Variants in TSNAX observed in about 807,000 individuals in gnomAD.
TSNAX encodes the protein translin-associated protein X.
Under a neutral mutation model 33.0 loss-of-function variants are expected in TSNAX, and 12 were observed. That is an observed-to-expected ratio of 0.36 (90% confidence interval 0.23 to 0.59). The LOEUF is 0.59. Ranked by LOEUF, TSNAX falls within the 20% of genes least tolerant of loss-of-function variation. The pLI is 0.74. For synonymous variants in TSNAX, 110 were observed against 117.2 expected, an observed-to-expected ratio of 0.94 and a Z score of 0.40; for missense variants, 267 against 341.3, an observed-to-expected ratio of 0.78 and a Z score of 1.72.
At chr1:231,558,633 A>G (rs1233332047) in intron 4 of TSNAX, among the ~76,000 whole-genome samples, 2 of 152,146 alleles carry the variant, frequency 1.3e-5, no homozygotes, top group Non-Finnish European at 2.9e-5. Flanking sequence ...GTGATTATGC[A>G]TCTTTACGTT....
At chr1:231,538,053 G>A (rs1572107411) in intron 3 of TSNAX, among the ~76,000 whole-genome samples, 4 of 152,158 alleles carry the variant, frequency 2.6e-5, no homozygotes, top group Admixed American at 2.6e-4. Context: ...ATATTATTAA[G>A]TCTCTGTTTT....
intron 4 of TSNAX, among the ~76,000 whole-genome samples, chr1:231,549,590 T>A (rs1158466303): frequency 6.6e-6 from 1 of 152,186 alleles, no homozygotes; most frequent in Non-Finnish European, 1.5e-5. Context: ...AAAGTTAGAT[T>A]AATTCATGGT....
chr1:231,532,553 GA>G (rs1284673664), intron 2 of TSNAX, among the ~76,000 whole-genome samples: 5 of 151,744 alleles, frequency 3.3e-5, no homozygotes, highest in African/African-American at 9.7e-5. Flanking sequence ...AGACAACAGG[GA>G]AAAAAATTTT....
chr1:231,549,969 C>G (rs1660191742), intron 4 of TSNAX, among the ~76,000 whole-genome samples: 1 of 152,196 alleles, frequency 6.6e-6, no homozygotes, highest in Non-Finnish European at 1.5e-5. Flanking sequence ...AGGCCTCTTT[C>G]CATGACATGC....
Position 231,564,998 on chromosome 1 carries a change from CT to C in TSNAX, c.*97del. On this transcript the variant is annotated 3_prime_UTR_variant, in exon 6 of 6. Coordinates refer to ENST00000366639, the MANE Select transcript of TSNAX (RefSeq NM_005999.3). The stretch of plus-strand genomic sequence containing the variant: ...AGTATTTCATTTAACTTTATTGTGG[CT>C]TTTACATAGAAACATATTCAGTTGT... 7.0e-7 allele frequency: 1 copy of C among 1,423,378 alleles called. No individual in the cohort carries two copies. Among genetic ancestry groups the C allele is most frequent in the Non-Finnish European group, 9.4e-7 (1 of 1,059,258 alleles). The allele number at this position is 1,423,378 out of a possible 1,614,324, so 88.2% of individuals were successfully genotyped here.
At chr1:231,541,941 GTC>G (rs1558125014) in intron 3 of TSNAX, among the ~76,000 whole-genome samples, 2 of 152,022 alleles carry the variant, frequency 1.3e-5, no homozygotes, top group African/African-American at 4.8e-5. Flanking sequence ...AATTTTAGCT[GTC>G]TCGATCCCCC....
intron 2 of TSNAX, among the ~76,000 whole-genome samples, chr1:231,529,996 T>C (rs191883928): frequency 1.3e-5 from 2 of 152,304 alleles, no homozygotes; most frequent in Admixed American, 6.5e-5. Flanking sequence ...GAAGCCTTGA[T>C]TGGGGCTGAA....
At chr1:231,549,933 G>A (rs1445624695) in intron 4 of TSNAX, among the ~76,000 whole-genome samples, 1 of 152,184 alleles carries the variant, frequency 6.6e-6, no homozygotes, top group Non-Finnish European at 1.5e-5. Flanking sequence ...CTGAGATCGA[G>A]GTGTTGGCAA....
chr1:231,546,555 G>A (rs879476900), intron 4 of TSNAX, among the ~76,000 whole-genome samples: 6 of 152,214 alleles, frequency 3.9e-5, no homozygotes, highest in African/African-American at 9.6e-5. Context: ...TAGGAAGAGT[G>A]TAGTGGATGG....
Position 231,564,452 on chromosome 1 carries a change from A to G in TSNAX, c.496-76A>G, listed in dbSNP as rs892712793. The G allele has an allele frequency of 4.6e-6, 7 of 1,527,964 alleles. No individual in the cohort carries two copies. The African/African-American group carries it at 5.5e-5, about 12-fold the overall frequency. The allele number at this position is 1,527,964 out of a possible 1,614,324, so 94.7% of individuals were successfully genotyped here. On this transcript the variant is annotated intron_variant, in intron 5 of 5. Coordinates refer to ENST00000366639, the MANE Select transcript of TSNAX (RefSeq NM_005999.3). ...TTCTATAATAAATGTGATACATGCT[A>G]TATTCACTCTTTTTCACAGTGTTCT...
At chr1:231,542,831 T>TTTGTTTGTG (rs1659665340) in intron 4 of TSNAX, 5 of 425,044 alleles carry the variant, frequency 1.2e-5, no homozygotes, top group Non-Finnish European at 2.1e-5. Context: ...TAATAAAGTA[T>TTTGTTTGTG]TTGAGAACAC....
At chr1:231,529,884 T>A (rs1211716662) in intron 2 of TSNAX, among the ~76,000 whole-genome samples, 1 of 152,236 alleles carries the variant, frequency 6.6e-6, no homozygotes, top group Non-Finnish European at 1.5e-5. Context: ...AACAAAATCC[T>A]CTTCCTTTTG....
chr1:231,560,103 C>T (rs186458280), intron 4 of TSNAX, among the ~76,000 whole-genome samples: 19 of 151,622 alleles, frequency 1.3e-4, no homozygotes, highest in African/African-American at 4.6e-4. Context: ...CCTCAGCCTC[C>T]TGTGTAGCTG....
chr1:231,551,012 A>T (rs1419453987), intron 4 of TSNAX, among the ~76,000 whole-genome samples: 1 of 152,238 alleles, frequency 6.6e-6, no homozygotes, highest in Non-Finnish European at 1.5e-5. Context: ...ATTTTATATC[A>T]CTTGGTAAGC....
intron 4 of TSNAX, among the ~76,000 whole-genome samples, chr1:231,545,524 C>G (rs963134841): frequency 6.6e-6 from 1 of 151,284 alleles, no homozygotes; most frequent in Admixed American, 6.6e-5. Flanking sequence ...TGAAATAAGT[C>G]TTTAAAAAAA....
chr1:231,564,505 G>GT (rs748126179), intron 5 of TSNAX, 23 bp from the exon 6 acceptor site: 1 of 1,372,988 alleles, frequency 7.3e-7, no homozygotes. Flanking sequence ...GTGTGTTTTT[G>GT]TTTTGTTTTG....
At chr1:231,533,365 A>T (rs1572099782) in intron 2 of TSNAX, among the ~76,000 whole-genome samples, 1 of 152,102 alleles carries the variant, frequency 6.6e-6, no homozygotes, top group Non-Finnish European at 1.5e-5. Context: ...CCTCCCAAAG[A>T]GCTGGGATTA....
rs545492826 is a variant in TSNAX at position 231,547,001 on chromosome 1, G to A, written c.367+4390G>A. On this transcript the variant is annotated intron_variant, in intron 4 of 5. Transcript: ENST00000366639. Reference sequence around the variant, plus strand: ...AGCCTTAAGGAAGAATGGGAAATACGGTCTCTGTGCGTGCCAAGGAAAGCA... The same window carrying A: ...AGCCTTAAGGAAGAATGGGAAATACAGTCTCTGTGCGTGCCAAGGAAAGCA... Among the ~76,000 whole-genome samples, 29 of 152,230 alleles carry A rather than the reference G, an allele frequency of 1.9e-4. No homozygotes were observed. The South Asian group carries it at 3.9e-3, about 21-fold the overall frequency.
intron 4 of TSNAX, among the ~76,000 whole-genome samples, chr1:231,558,686 A>G (rs1486237482): frequency 2.6e-5 from 4 of 152,264 alleles, no homozygotes; most frequent in Non-Finnish European, 4.4e-5. Context: ...TTAGAAGGAA[A>G]TGAGAAATAG....
Sources: gnomAD v4.1 joint callset for allele counts (sites outside exome capture counted in the v4.1 genomes callset) on GRCh38, gnomAD v4.1.1 for gene constraint, MANE v1.5 for transcripts, NCBI Gene and HGNC (gene_info 2026-07-23, HGNC 2026-07-21) for gene names.